DNER: variants seen among roughly 807,000 people sequenced by gnomAD.
DNER encodes the protein delta and Notch-like epidermal growth factor-related receptor.
In DNER, 33 loss-of-function variants were observed where a neutral mutation model predicts 78.2. The ratio of observed to expected loss-of-function variants is 0.42; its 90% confidence interval spans 0.32 to 0.56. The LOEUF (loss-of-function observed/expected upper bound fraction) is 0.56. Among genes scored for constraint, DNER ranks in the 20% least tolerant of loss-of-function variants. The pLI is 0.11. For missense variants in DNER, 918 were observed against 975.3 expected (o/e 0.94, Z 0.78); for synonymous variants, 417 against 384.8 (o/e 1.08, Z -0.98).
At chr2:229,442,742 A>G (rs567781454) in intron 8 of DNER, among the ~76,000 whole-genome samples, 278 of 152,248 alleles carry the variant, frequency 1.8e-3, no homozygotes, top group Non-Finnish European at 3.6e-3. Flanking sequence ...TCCAGCAAAT[A>G]TTATCGGACT....
intron 8 of DNER, among the ~76,000 whole-genome samples, chr2:229,429,626 C>T (rs536404584): frequency 6.6e-6 from 1 of 152,262 alleles, no homozygotes; most frequent in South Asian, 2.1e-4. Flanking sequence ...GCCCTAAGCA[C>T]CATAGCCCTG....
intron 5 of DNER, among the ~76,000 whole-genome samples, chr2:229,522,336 G>A (rs1696116421): frequency 1.3e-5 from 2 of 152,224 alleles, no homozygotes; most frequent in Admixed American, 1.3e-4. Context: ...TGTGTTCTCA[G>A]CACTCTTGGA....
At chr2:229,596,239 T>C (rs1697712353) in intron 1 of DNER, among the ~76,000 whole-genome samples, 1 of 152,236 alleles carries the variant, frequency 6.6e-6, no homozygotes, top group African/African-American at 2.4e-5. Context: ...TGCCAGAGCC[T>C]ATGAAGTGTA....
chr2:229,486,045 G>A (rs1574864588), intron 6 of DNER, among the ~76,000 whole-genome samples: 1 of 152,138 alleles, frequency 6.6e-6, no homozygotes, highest in African/African-American at 2.4e-5. Flanking sequence ...TCACCCTGGG[G>A]GGATCTGAGC....
intron 10 of DNER, among the ~76,000 whole-genome samples, chr2:229,396,855 C>G (rs1693155688): frequency 6.6e-6 from 1 of 152,110 alleles, no homozygotes; most frequent in Non-Finnish European, 1.5e-5. Flanking sequence ...AAAAGTACCT[C>G]TGAGACTCTG....
At chr2:229,620,052 T>C (rs1460146075) in intron 1 of DNER, among the ~76,000 whole-genome samples, 1 of 152,162 alleles carries the variant, frequency 6.6e-6, no homozygotes, top group East Asian at 1.9e-4. Context: ...TTCTTCGCAC[T>C]TGAGAAAGCA....
At chr2:229,471,608 C>T (rs1454592087) in intron 7 of DNER, among the ~76,000 whole-genome samples, 1 of 152,156 alleles carries the variant, frequency 6.6e-6, no homozygotes, top group Admixed American at 6.5e-5. Flanking sequence ...CAACCTTCAT[C>T]CTTTTTACCG....
chr2:229,601,433 C>T (rs529311839), intron 1 of DNER, among the ~76,000 whole-genome samples: 6 of 152,284 alleles, frequency 3.9e-5, no homozygotes, highest in South Asian at 4.2e-4. Flanking sequence ...AATGCTCATT[C>T]GCTTTACTGA....
intron 1 of DNER, among the ~76,000 whole-genome samples, chr2:229,604,056 C>T (rs1697886753): frequency 6.6e-6 from 1 of 152,316 alleles, no homozygotes; most frequent in Middle Eastern, 3.4e-3. Context: ...ATCCAGCAGC[C>T]TCTGTGTCCT....
rs1341638108 is a variant in DNER, at chr2:229,591,785, T to C, written c.380A>G (p.Tyr127Cys). The C allele has an allele frequency of 1.9e-6, 3 of 1,613,958 alleles. No homozygotes were observed. The highest frequency in any genetic ancestry group is 1.3e-5 in the African/African-American group (1 of 74,932). ...TGCCTGTTCACAGTTGGGACCTTCA[T>C]AGCCTTCATTGCAAATGCAGAGGTA... ...DGYLCICNEG[Y>C]EGPNCEQALP... The change falls in exon 2 of 13, where the codon TAT (tyrosine) becomes TGT (cysteine). Residue 127 changes from tyrosine (Y) to cysteine (C), a missense_variant. By Grantham distance (194) the Tyr-to-Cys change is radical. Transcript: ENST00000341772. The surrounding 1 kb of genome is among the most constrained non-coding windows in gnomAD (Gnocchi z 4.6).
At chr2:229,401,119 A>G (rs1693257697) in intron 10 of DNER, among the ~76,000 whole-genome samples, 3 of 152,124 alleles carry the variant, frequency 2.0e-5, no homozygotes, top group Non-Finnish European at 4.4e-5. Flanking sequence ...CTGAAACCCC[A>G]ATGAGCTATC....
intron 4 of DNER, among the ~76,000 whole-genome samples, chr2:229,560,487 A>AT (rs1471484464): frequency 1.3e-5 from 2 of 152,112 alleles, no homozygotes; most frequent in Non-Finnish European, 2.9e-5. Context: ...AGACCCAGGG[A>AT]TTTTGCATTA....
intron 5 of DNER, among the ~76,000 whole-genome samples, chr2:229,545,266 C>A (rs1190130439): frequency 6.6e-6 from 1 of 152,136 alleles, no homozygotes; most frequent in Non-Finnish European, 1.5e-5. Context: ...CCTGGATCCA[C>A]CTGCAAAATA....
intron 1 of DNER, among the ~76,000 whole-genome samples, chr2:229,628,330 A>G (rs1027172459): frequency 2.6e-5 from 4 of 152,202 alleles, no homozygotes; most frequent in Admixed American, 2.0e-4. Context: ...TGCACCAGAG[A>G]CAAATTCCTC....
At chr2:229,668,437 TATA>T (rs1699134792) in intron 1 of DNER, among the ~76,000 whole-genome samples, 1 of 106,610 alleles carries the variant, frequency 9.4e-6, no homozygotes, top group African/African-American at 3.7e-5. Flanking sequence ...TATATATATA[TATA>T]TACACTTATA....
chr2:229,499,905 G>T (rs891733020), intron 6 of DNER, among the ~76,000 whole-genome samples: 4 of 149,186 alleles, frequency 2.7e-5, no homozygotes, highest in Non-Finnish European at 5.9e-5. Flanking sequence ...TTAAAAATGG[G>T]CAAAAAATCT....
chr2:229,520,338 C>A (rs1160569429), intron 5 of DNER, among the ~76,000 whole-genome samples: 1 of 152,106 alleles, frequency 6.6e-6, no homozygotes, highest in African/African-American at 2.4e-5. Context: ...CAGTCCCAAG[C>A]CAAGAGGCGA....
At chr2:229,689,936 A>G (rs1699540447) in intron 1 of DNER, among the ~76,000 whole-genome samples, 1 of 152,218 alleles carries the variant, frequency 6.6e-6, no homozygotes, top group South Asian at 2.1e-4. Flanking sequence ...TACCACTCCA[A>G]AGTTCATTCT....
At chr2:229,546,685 G>A (rs558931606) in intron 5 of DNER, among the ~76,000 whole-genome samples, 5 of 151,730 alleles carry the variant, frequency 3.3e-5, no homozygotes, top group African/African-American at 4.8e-5. Flanking sequence ...GCGGTAAGCC[G>A]AGATCACACC....
Sources: gnomAD v4.1 joint callset for allele counts (sites outside exome capture counted in the v4.1 genomes callset) on GRCh38, gnomAD v4.1.1 for gene constraint, Gnocchi (gnomAD v3.1) non-coding constraint, MANE v1.5 for transcripts, NCBI Gene and HGNC (gene_info 2026-07-23, HGNC 2026-07-21) for gene names.